Variants in CRACD observed in about 807,000 individuals in gnomAD.
CRACD encodes the protein capping protein-inhibiting regulator of actin dynamics.
Under a neutral mutation model 106.8 loss-of-function variants are expected in CRACD, and 56 were observed. That is an observed-to-expected ratio of 0.52 (90% confidence interval 0.42 to 0.66). CRACD has a LOEUF of 0.66. CRACD is among the 30% of genes least tolerant of loss of function. CRACD has a pLI of 0.00. For missense variants in CRACD, 1,730 were observed against 1,623.2 expected, an observed-to-expected ratio of 1.07 and a Z score of -1.13; for synonymous variants, 754 against 670.8, an observed-to-expected ratio of 1.12 and a Z score of -1.92.
intron 1 of CRACD, among the ~76,000 whole-genome samples, chr4:56,120,249 A>G (rs1274546092): frequency 6.6e-6 from 1 of 152,038 alleles, no homozygotes; most frequent in African/African-American, 2.4e-5. Flanking sequence ...CTGTGATGTC[A>G]CTGGTCATGT....
chr4:56,205,006 C>T (rs562257506), intron 2 of CRACD, among the ~76,000 whole-genome samples: 12 of 152,084 alleles, frequency 7.9e-5, no homozygotes, highest in Admixed American at 4.6e-4. Context: ...AAAATAAAAA[C>T]TTAACCGGGT....
chr4:56,079,804 A>G (rs1476281521), intron 1 of CRACD, among the ~76,000 whole-genome samples: 6 of 152,326 alleles, frequency 3.9e-5, no homozygotes, highest in East Asian at 1.9e-4. Context: ...AAAAACTTCA[A>G]TGAAAACCGT....
At chr4:56,256,597 C>T (rs1160688416) in intron 2 of CRACD, among the ~76,000 whole-genome samples, 1 of 152,136 alleles carries the variant, frequency 6.6e-6, no homozygotes, top group Admixed American at 6.5e-5. Context: ...GCCACTACAC[C>T]ATGAAGTTAG....
chr4:56,323,714 C>T (rs1316351557), intron 9 of CRACD, 147 bp downstream of exon 9: 1 of 793,088 alleles, frequency 1.3e-6, no homozygotes, highest in Non-Finnish European at 1.9e-6. Context: ...ACCATTAAAC[C>T]AGGGAAGCGT....
intron 1 of CRACD, among the ~76,000 whole-genome samples, chr4:56,103,832 G>A (rs1395052427): frequency 1.3e-5 from 2 of 152,194 alleles, no homozygotes; most frequent in Admixed American, 1.3e-4. Context: ...TCAGGCTGGA[G>A]TGCAATGGCA....
At chr4:56,260,882 T>TCC (rs1741656265) in intron 2 of CRACD, among the ~76,000 whole-genome samples, 1 of 149,846 alleles carries the variant, frequency 6.7e-6, no homozygotes, top group African/African-American at 2.5e-5. Flanking sequence ...TCTGTCTGTG[T>TCC]ATCCATCCAT....
chr4:56,211,244 G>C (rs1365971355), intron 2 of CRACD, among the ~76,000 whole-genome samples: 1 of 152,192 alleles, frequency 6.6e-6, no homozygotes, highest in Non-Finnish European at 1.5e-5. Flanking sequence ...ACTCCATCTT[G>C]AATAGGGGCT....
chr4:56,202,283 T>C (rs1737918450), intron 2 of CRACD, among the ~76,000 whole-genome samples: 1 of 152,196 alleles, frequency 6.6e-6, no homozygotes, highest in Non-Finnish European at 1.5e-5. Context: ...TCTCGCTCTG[T>C]CACCCAGGCT....
rs1003323574 is a variant in CRACD, at chr4:56,329,809, A to C, written c.*2005A>C. ...TCTTTCATCCTGTCAGCTTTGGACA[A>C]TATCCCAATTATGGCAGGGAACAGG... On this transcript the variant is annotated 3_prime_UTR_variant, in exon 11 of 11. Coordinates refer to ENST00000682029, the MANE Select transcript of CRACD (RefSeq NM_001393381.1). Among the ~76,000 whole-genome samples the C allele has an allele frequency of 3.3e-5, 5 of 152,170 alleles. No individual in the cohort carries two copies. Among genetic ancestry groups the C allele is most frequent in the Non-Finnish European group, 7.3e-5 (5 of 68,032 alleles).
intron 1 of CRACD, among the ~76,000 whole-genome samples, chr4:56,081,368 G>T (rs143894907): frequency 5.3e-5 from 8 of 152,090 alleles, no homozygotes; most frequent in Admixed American, 5.2e-4. Flanking sequence ...TCTGATAAAA[G>T]CATTTTTGTG....
chr4:56,153,494 C>T (rs374404973), intron 1 of CRACD, among the ~76,000 whole-genome samples: 1 of 152,178 alleles, frequency 6.6e-6, no homozygotes, highest in Non-Finnish European at 1.5e-5. Flanking sequence ...TCACGCTTCT[C>T]TCCAAATCCT....
intron 4 of CRACD, among the ~76,000 whole-genome samples, chr4:56,303,800 C>T (rs1245693493): frequency 6.6e-6 from 1 of 152,216 alleles, no homozygotes; most frequent in Non-Finnish European, 1.5e-5. Context: ...TCCACTGTCT[C>T]ATCCCAGATG....
intron 2 of CRACD, among the ~76,000 whole-genome samples, chr4:56,182,262 CA>C (rs1309144939): frequency 1.3e-5 from 2 of 151,998 alleles, no homozygotes; most frequent in African/African-American, 4.8e-5. Flanking sequence ...CCCAGCTACC[CA>C]AAAGGCTGAG....
At position 56,294,649 on chromosome 4, in the gene CRACD, C is replaced by T. The variant is rs145599861; in HGVS notation, c.-16-3565C>T. 1.2e-3 allele frequency among the ~76,000 whole-genome samples: 179 copies of T among 152,066 alleles called. 1 individual carries two copies. Among genetic ancestry groups the T allele is most frequent in the African/African-American group, 4.2e-3 (174 of 41,484 alleles). On this transcript the variant is annotated intron_variant, in intron 3 of 10. Coordinates refer to ENST00000682029, the MANE Select transcript of CRACD (RefSeq NM_001393381.1). ...TATGTAGAAGCCAGGTGTGGCGGCT[C>T]ACGCCTATAATCCCAGTACTTTGGG...
intron 1 of CRACD, among the ~76,000 whole-genome samples, chr4:56,069,545 C>T (rs995304885): frequency 6.6e-6 from 1 of 152,186 alleles, no homozygotes; most frequent in Non-Finnish European, 1.5e-5. Context: ...AGCACTGAAT[C>T]GTTCTCCCTT....
At chr4:56,237,528 T>C (rs1740047758) in intron 2 of CRACD, among the ~76,000 whole-genome samples, 1 of 152,100 alleles carries the variant, frequency 6.6e-6, no homozygotes, top group Non-Finnish European at 1.5e-5. Flanking sequence ...ATGCTATCAC[T>C]TTTTTTGACT....
chr4:56,157,268 G>A (rs761449849), intron 1 of CRACD, among the ~76,000 whole-genome samples: 7 of 152,150 alleles, frequency 4.6e-5, no homozygotes, highest in African/African-American at 7.2e-5. Context: ...AGGAGTTCTA[G>A]ACCAGCCTGA....
rs564781782 is a variant in CRACD at position 56,272,147 on chromosome 4, C to T, written c.-188-174C>T. Among the ~76,000 whole-genome samples the T allele has an allele frequency of 1.2e-4, 18 of 152,322 alleles. No homozygotes were observed. The South Asian group carries it at 2.9e-3, about 25-fold the overall frequency. On this transcript the variant is annotated intron_variant, in intron 2 of 10. Coordinates refer to ENST00000682029, the MANE Select transcript of CRACD (RefSeq NM_001393381.1). ...GTGCTCTGCCTCCCTGTGCATGGATCGCGCTGGGGCTGGCGCCGACATTCC... is the reference window on the plus strand; with the variant it reads ...GTGCTCTGCCTCCCTGTGCATGGATTGCGCTGGGGCTGGCGCCGACATTCC...
chr4:56,245,411 C>G (rs1740625970), intron 2 of CRACD, among the ~76,000 whole-genome samples: 1 of 151,850 alleles, frequency 6.6e-6, no homozygotes, highest in Non-Finnish European at 1.5e-5. Context: ...TGTCACATGC[C>G]AAAAAAACAA....
Sources: gnomAD v4.1 joint callset for allele counts (sites outside exome capture counted in the v4.1 genomes callset) on GRCh38, gnomAD v4.1.1 for gene constraint, MANE v1.5 for transcripts, NCBI Gene and HGNC (gene_info 2026-07-23, HGNC 2026-07-21) for gene names.